Variants in COL24A1 observed in about 807,000 individuals in gnomAD.
COL24A1 encodes collagen alpha-1(XXIV) chain.
Under a neutral mutation model 253.9 loss-of-function variants are expected in COL24A1, and 224 were observed. That is an observed-to-expected ratio of 0.88 (90% confidence interval 0.79 to 0.99). The LOEUF is 0.99. COL24A1 is among the 50% of genes least tolerant of loss of function. COL24A1 has a pLI of 0.00. For missense variants in COL24A1, 2,131 were observed against 2,068.5 expected (o/e 1.03, Z -0.59); for synonymous variants, 685 against 673.7 (o/e 1.02, Z -0.26).
chr1:86,092,920 C>G (rs1703611324), intron 5 of COL24A1, among the ~76,000 whole-genome samples: 1 of 151,854 alleles, frequency 6.6e-6, no homozygotes, highest in East Asian at 1.9e-4. Context: ...TAGGTTTCAG[C>G]TAAAGTTTTT....
intron 59 of COL24A1, among the ~76,000 whole-genome samples, chr1:85,732,392 G>A (rs540453976): frequency 6.6e-6 from 1 of 152,076 alleles, no homozygotes; most frequent in Non-Finnish European, 1.5e-5. Flanking sequence ...ACCACGCCCG[G>A]CTAATTTTTT....
chr1:85,985,827 G>A (rs1034818853), intron 20 of COL24A1, among the ~76,000 whole-genome samples: 3 of 151,856 alleles, frequency 2.0e-5, no homozygotes, highest in African/African-American at 7.2e-5. Context: ...CAGAAAGGAA[G>A]TGGGAAAGAT....
intron 33 of COL24A1, among the ~76,000 whole-genome samples, chr1:85,876,185 C>T (rs1681145697): frequency 6.6e-6 from 1 of 151,864 alleles, no homozygotes; most frequent in African/African-American, 2.4e-5. Flanking sequence ...GGAGACATGG[C>T]ATGAGAGTGT....
chr1:85,967,465 G>T (rs2100732683), intron 22 of COL24A1, among the ~76,000 whole-genome samples: 1 of 152,258 alleles, frequency 6.6e-6, no homozygotes, highest in African/African-American at 2.4e-5. Flanking sequence ...TCCTATTGGG[G>T]CTATTAGATT....
At chr1:85,951,970 A>G (rs1301005330) in intron 24 of COL24A1, among the ~76,000 whole-genome samples, 1 of 152,214 alleles carries the variant, frequency 6.6e-6, no homozygotes, top group African/African-American at 2.4e-5. Context: ...CTTACAGTCA[A>G]AAGTAGAGCA....
Position 85,979,481 on chromosome 1 carries a change from C to A in COL24A1, c.2365-8088G>T, listed in dbSNP as rs1179152305. On this transcript the variant is annotated intron_variant, in intron 20 of 59. Coordinates refer to ENST00000370571, the MANE Select transcript of COL24A1 (RefSeq NM_152890.7). ...AGTAGAGAGAAGATCCAAATAAGTT[C>A]AATAGAAACGAAATGGGAGATATTA... Among the ~76,000 whole-genome samples, 4 of 151,706 alleles carry A rather than the reference C, an allele frequency of 2.6e-5. No homozygotes were observed. In the East Asian group the frequency reaches 7.7e-4, roughly 29 times the overall value.
intron 53 of COL24A1, among the ~76,000 whole-genome samples, chr1:85,773,285 G>A (rs958281229): frequency 2.0e-5 from 3 of 152,196 alleles, no homozygotes; most frequent in African/African-American, 7.2e-5. Flanking sequence ...TTGCAGTAAA[G>A]TTTGAAGTCA....
chr1:85,908,330 T>C (rs61785113), intron 27 of COL24A1, among the ~76,000 whole-genome samples: 3,951 of 151,850 alleles, frequency 0.026, 84 homozygotes, highest in Non-Finnish European at 0.042. Context: ...ATAATCCTGT[T>C]TCCTTATATG....
intron 20 of COL24A1, among the ~76,000 whole-genome samples, chr1:85,978,367 T>TGGTAC (rs951593714): frequency 1.3e-5 from 2 of 151,674 alleles, no homozygotes; most frequent in Non-Finnish European, 2.9e-5. Context: ...ATGAATAAAA[T>TGGTAC]GGTACCTCAC....
chr1:85,935,705 G>C (rs1457263973), intron 24 of COL24A1, among the ~76,000 whole-genome samples: 2 of 147,012 alleles, frequency 1.4e-5, no homozygotes, highest in East Asian at 4.3e-4. Context: ...GAAGTCATCT[G>C]AAGGCTTGAC....
rs10526604 is a variant in COL24A1, at chr1:85,906,264, C to CTTT, written c.2778+927_2778+929dup. Among the ~76,000 whole-genome samples, 15 of 77,838 alleles carry CTTT rather than the reference C, an allele frequency of 1.9e-4. 1 individual carries two copies. The highest frequency in any genetic ancestry group is 1.0e-3 in the South Asian group (2 of 1,982). The allele number at this position is 77,838 out of a possible 152,430, so 51.1% of individuals were successfully genotyped here. A position where few individuals can be genotyped will look rare whatever the true frequency, so the allele number is the denominator to read the frequency against. Reference sequence around the variant, plus strand: ...TTTGCCAACTGGAAAACTGCAAGGTCTTTTTTTTTTTTTACCATGGTTAGG... The same window carrying CTTT: ...TTTGCCAACTGGAAAACTGCAAGGTCTTTTTTTTTTTTTTTTACCATGGTTAGG... On this transcript the variant is annotated intron_variant, in intron 28 of 59. Coordinates refer to ENST00000370571, the MANE Select transcript of COL24A1 (RefSeq NM_152890.7).
chr1:86,126,288 A>G (rs1280089468), intron 2 of COL24A1, 74 bp from the exon 3 acceptor site: 23 of 1,357,186 alleles, frequency 1.7e-5, no homozygotes, highest in Non-Finnish European at 2.2e-5. Flanking sequence ...ATGTTTGAAT[A>G]TGATAAAAAT....
chr1:86,152,753 T>C (rs995494045), intron 1 of COL24A1, among the ~76,000 whole-genome samples: 1 of 152,248 alleles, frequency 6.6e-6, no homozygotes, highest in Non-Finnish European at 1.5e-5. Context: ...AATGTTAAAC[T>C]ATTGCCTAGC....
intron 24 of COL24A1, among the ~76,000 whole-genome samples, chr1:85,916,321 G>A (rs772261065): frequency 3.3e-5 from 5 of 152,078 alleles, no homozygotes; most frequent in Non-Finnish European, 2.9e-5. Flanking sequence ...TTTACTTCAT[G>A]TAAGTATTAA....
rs757918049 is a variant in COL24A1, at chr1:85,816,835, A to C, written c.3904T>G (p.Ser1302Ala). The change falls in exon 47 of 60, where the codon TCA (serine) becomes GCA (alanine). Residue 1302 changes from serine to alanine, a missense_variant. Ser to Ala is a moderately conservative substitution (Grantham distance 99). Transcript: ENST00000370571. Reference sequence around the variant, plus strand: ...GGCCCAATTTTTCCAGGGTTTCCTGAAATGCCATCTGCTCCATGGTATCCT... The same window carrying C: ...GGCCCAATTTTTCCAGGGTTTCCTGCAATGCCATCTGCTCCATGGTATCCT... ...IQGYHGADGI[S>A]GNPGKIGPPG... 6.2e-7 allele frequency: 1 copy of C among 1,614,058 alleles called. No homozygotes were observed. Among genetic ancestry groups the C allele is most frequent in the Non-Finnish European group, 8.5e-7 (1 of 1,179,928 alleles).
rs892571848 is a variant in COL24A1 at position 85,868,430 on chromosome 1, G to A, written c.3300+89C>T. On this transcript the variant is annotated intron_variant, in intron 37 of 59. Transcript: ENST00000370571. Reference sequence around the variant, plus strand: ...TACAATTATCCACTGGATATATAAGGAGGTCAGAGTGTGTGTAGGTTTGTG... The same window carrying A: ...TACAATTATCCACTGGATATATAAGAAGGTCAGAGTGTGTGTAGGTTTGTG... 3 of 811,712 alleles carry A rather than the reference G, an allele frequency of 3.7e-6. No individual in the cohort carries two copies. The African/African-American group carries it at 5.1e-5, about 14-fold the overall frequency. 50.3% of individuals were successfully genotyped at this position (811,712 alleles called of 1,614,324 possible). A position where few individuals can be genotyped will look rare whatever the true frequency, so the allele number is the denominator to read the frequency against.
intron 19 of COL24A1, among the ~76,000 whole-genome samples, chr1:85,998,397 A>G (rs1695066996): frequency 6.6e-6 from 1 of 152,212 alleles, no homozygotes; most frequent in Non-Finnish European, 1.5e-5. Flanking sequence ...ATCAGCACTG[A>G]TTATTTTATA....
intron 22 of COL24A1, among the ~76,000 whole-genome samples, chr1:85,969,495 C>A (rs1691911958): frequency 1.3e-5 from 2 of 149,614 alleles, no homozygotes; most frequent in Non-Finnish European, 3.0e-5. Context: ...ATTCTAGCTA[C>A]TCGGGAGGCT....
At chr1:86,038,885 C>T (rs1326489691) in intron 12 of COL24A1, among the ~76,000 whole-genome samples, 2 of 152,116 alleles carry the variant, frequency 1.3e-5, no homozygotes, top group African/African-American at 4.8e-5. Flanking sequence ...ATGACAGTAG[C>T]CCTAACCAAA....
Sources: allele counts gnomAD v4.1 joint callset (sites outside exome capture counted in the v4.1 genomes callset), GRCh38; gene constraint gnomAD v4.1.1; transcripts MANE v1.5; gene names NCBI Gene and HGNC (gene_info 2026-07-23, HGNC 2026-07-21).